WDPCP: variants seen among roughly 807,000 people sequenced by gnomAD.
WDPCP encodes the protein WD repeat containing planar cell polarity effector, also known as WD repeat-containing and planar cell polarity effector protein fritz homolog.
In WDPCP, 71 loss-of-function variants were observed where a neutral mutation model predicts 93.1. That is an observed-to-expected ratio of 0.76 (90% CI 0.63 to 0.93). The LOEUF is 0.93. Among genes scored for constraint, WDPCP ranks in the 40% least tolerant of loss-of-function variants. WDPCP has a pLI of 0.00. For synonymous variants in WDPCP, 315 were observed against 315.0 expected, an observed-to-expected ratio of 1.00 and a Z score of 0.00; for missense variants, 844 against 887.4, an observed-to-expected ratio of 0.95 and a Z score of 0.62.
At chr2:63,698,618 A>G (rs935990324) in intron 2 of WDPCP, among the ~76,000 whole-genome samples, 6 of 152,356 alleles carry the variant, frequency 3.9e-5, no homozygotes, top group Middle Eastern at 3.4e-3. Flanking sequence ...CATTTGCCCT[A>G]GGAAGCAGAA....
intron 2 of WDPCP, among the ~76,000 whole-genome samples, chr2:63,801,002 C>T (rs908522700): frequency 6.6e-6 from 1 of 152,128 alleles, no homozygotes; most frequent in African/African-American, 2.4e-5. Flanking sequence ...TGCAGAGAGC[C>T]GGGATTAGAC....
chr2:63,792,929 A>AT (rs1310081398), intron 2 of WDPCP, among the ~76,000 whole-genome samples: 3 of 152,028 alleles, frequency 2.0e-5, no homozygotes, highest in Non-Finnish European at 4.4e-5. Flanking sequence ...AAAAAAAAAA[A>AT]GGCAGAACTA....
chr2:63,626,706 G>T (rs1709814579), intron 3 of WDPCP, among the ~76,000 whole-genome samples: 1 of 152,142 alleles, frequency 6.6e-6, no homozygotes, highest in Non-Finnish European at 1.5e-5. Flanking sequence ...GGAGAAACAG[G>T]AACGATTTTA....
At chr2:63,594,733 T>C (rs945583759) in intron 3 of WDPCP, 2 of 611,696 alleles carry the variant, frequency 3.3e-6, no homozygotes, top group African/African-American at 3.7e-5. Context: ...AAATGGAAGC[T>C]ACTAAGGTAT....
intron 17 of WDPCP, among the ~76,000 whole-genome samples, chr2:63,138,255 A>G (rs1032080569): frequency 6.6e-6 from 1 of 152,006 alleles, no homozygotes; most frequent in Non-Finnish European, 1.5e-5. Flanking sequence ...ATTACAGTTC[A>G]CATTTAACTC....
intron 14 of WDPCP, among the ~76,000 whole-genome samples, chr2:63,250,188 C>G (rs1680603063): frequency 6.6e-6 from 1 of 152,080 alleles, no homozygotes; most frequent in Non-Finnish European, 1.5e-5. Context: ...ACAAGCAGTG[C>G]TACACCATTA....
At chr2:63,392,634 C>T (rs983503451) in intron 10 of WDPCP, among the ~76,000 whole-genome samples, 8 of 151,938 alleles carry the variant, frequency 5.3e-5, no homozygotes, top group African/African-American at 1.4e-4. Context: ...TGCAATCTAC[C>T]CATCTGACAA....
chr2:63,228,483 C>A (rs1206818040), intron 14 of WDPCP: 1 of 145,816 alleles, frequency 6.9e-6, no homozygotes, highest in African/African-American at 2.6e-5. Context: ...GCACAACGTG[C>A]AGGTTTGTTA....
intron 3 of WDPCP, chr2:63,643,262 C>G: frequency 3.0e-6 from 1 of 334,874 alleles, no homozygotes; most frequent in Non-Finnish European, 5.7e-6. Context: ...CTCTAGAGAC[C>G]ATTTCACCCA....
At chr2:63,720,403 C>T (rs1480389241) in intron 2 of WDPCP, among the ~76,000 whole-genome samples, 1 of 145,214 alleles carries the variant, frequency 6.9e-6, no homozygotes, top group Admixed American at 6.9e-5. Flanking sequence ...GGTGACAGAG[C>T]AAGACTCTAC....
chr2:63,231,127 A>G (rs1678834543), intron 14 of WDPCP, among the ~76,000 whole-genome samples: 1 of 152,116 alleles, frequency 6.6e-6, no homozygotes, highest in Non-Finnish European at 1.5e-5. Flanking sequence ...CATCATATAA[A>G]CAGAACCAAA....
At chr2:63,592,153 A>C (rs1308112884), upstream of WDPCP, among the ~76,000 whole-genome samples, 1 of 152,208 alleles carries the variant, frequency 6.6e-6, no homozygotes. Flanking sequence ...TACCAAGTAC[A>C]TGATAGGAAC....
At chr2:63,585,190 C>G (rs759499661) in intron 1 of WDPCP, among the ~76,000 whole-genome samples, 6 of 152,106 alleles carry the variant, frequency 3.9e-5, no homozygotes, top group Non-Finnish European at 8.8e-5. Context: ...AAATTACAAG[C>G]ACTTTTATTT....
At chr2:63,657,205 GTT>G (rs61597471) in intron 2 of WDPCP, among the ~76,000 whole-genome samples, 7 of 114,120 alleles carry the variant, frequency 6.1e-5, no homozygotes, top group African/African-American at 1.7e-4. Context: ...TCTGGGTGAT[GTT>G]TTTTTTTTTT....
chr2:63,674,300 G>A (rs1181443664), intron 2 of WDPCP, among the ~76,000 whole-genome samples: 1 of 152,048 alleles, frequency 6.6e-6, no homozygotes, highest in African/African-American at 2.4e-5. Context: ...ATCAAAGCTT[G>A]CCATGGGTTT....
intron 2 of WDPCP, among the ~76,000 whole-genome samples, chr2:63,698,631 A>C (rs1367312234): frequency 6.6e-6 from 1 of 152,220 alleles, no homozygotes; most frequent in Non-Finnish European, 1.5e-5. Flanking sequence ...AAGCAGAAGT[A>C]AGCAGGAAAT....
At chr2:63,178,404 A>T (rs1222551329) in intron 14 of WDPCP, among the ~76,000 whole-genome samples, 1 of 152,156 alleles carries the variant, frequency 6.6e-6, no homozygotes, top group Non-Finnish European at 1.5e-5. Flanking sequence ...GTCTGTCCAG[A>T]TTATGTAATT....
intron 12 of WDPCP, among the ~76,000 whole-genome samples, chr2:63,327,913 T>C (rs887071724): frequency 6.6e-6 from 1 of 152,188 alleles, no homozygotes; most frequent in Non-Finnish European, 1.5e-5. Flanking sequence ...CGCTGGCCCT[T>C]CCACTGGCCT....
At chr2:63,382,249 A>G (rs1692377412) in intron 10 of WDPCP, among the ~76,000 whole-genome samples, 155 bp from the exon 11 acceptor site, 1 of 152,166 alleles carries the variant, frequency 6.6e-6, no homozygotes, top group Non-Finnish European at 1.5e-5. Context: ...TTGCTATAAG[A>G]TACACTGATA....
Sources: gnomAD v4.1 joint callset for allele counts (sites outside exome capture counted in the v4.1 genomes callset) on GRCh38, gnomAD v4.1.1 for gene constraint, MANE v1.5 for transcripts, NCBI Gene and HGNC (gene_info 2026-07-23, HGNC 2026-07-21) for gene names.